Variants in HS3ST4 observed in about 807,000 individuals in gnomAD.
The protein encoded by HS3ST4 is heparan sulfate-glucosamine 3-sulfotransferase 4.
Under a neutral mutation model 29.2 loss-of-function variants are expected in HS3ST4, and 17 were observed. The observed-to-expected ratio is 0.58, with a 90% CI of 0.40 to 0.87. The LOEUF is 0.87. Among genes scored for constraint, HS3ST4 ranks in the 40% least tolerant of loss-of-function variants. HS3ST4 has a pLI of 0.00. For missense variants in HS3ST4, 627 were observed against 634.5 expected, an observed-to-expected ratio of 0.99 and a Z score of 0.13; for synonymous variants, 314 against 285.7, an observed-to-expected ratio of 1.10 and a Z score of -1.00.
Position 25,939,629 on chromosome 16 carries a change from G to A in HS3ST4, c.735-195983G>A, listed in dbSNP as rs150705408. Among the ~76,000 whole-genome samples the A allele has an allele frequency of 1.3e-3, 200 of 152,134 alleles. 1 individual carries two copies. In the East Asian group the frequency reaches 0.03, roughly 23 times the overall value. The stretch of plus-strand genomic sequence containing the variant: ...GTTGGGATTACAGGCGTGAGCCACC[G>A]TACCCGGCCATTATTTTTGAAAGGT... On this transcript the variant is annotated intron_variant, in intron 1 of 1. Transcript: ENST00000331351.
intron 1 of HS3ST4, among the ~76,000 whole-genome samples, chr16:25,919,171 G>C (rs1460237439): frequency 6.6e-6 from 1 of 152,026 alleles, no homozygotes; most frequent in Non-Finnish European, 1.5e-5. Context: ...GACACTACAG[G>C]TGCATGCCAC....
intron 1 of HS3ST4, among the ~76,000 whole-genome samples, chr16:25,973,459 C>G (rs1406860485): frequency 1.3e-5 from 2 of 152,116 alleles, no homozygotes; most frequent in African/African-American, 4.8e-5. Context: ...TGTGAGAAAC[C>G]CAACCGTTTC....
intron 1 of HS3ST4, among the ~76,000 whole-genome samples, chr16:25,944,517 T>G (rs1294116068): frequency 6.6e-6 from 1 of 152,236 alleles, no homozygotes; most frequent in East Asian, 1.9e-4. Context: ...TTAATGATAT[T>G]GTAATGAGCT....
intron 1 of HS3ST4, among the ~76,000 whole-genome samples, chr16:25,784,407 C>T (rs1161975218): frequency 6.6e-6 from 1 of 152,214 alleles, no homozygotes; most frequent in Non-Finnish European, 1.5e-5. Flanking sequence ...AAAGCTAGAC[C>T]TCTTGCACCA....
chr16:25,985,134 C>T (rs957513735), intron 1 of HS3ST4, among the ~76,000 whole-genome samples: 1 of 152,248 alleles, frequency 6.6e-6, no homozygotes, highest in African/African-American at 2.4e-5. Context: ...ATGTTCTCTG[C>T]ATCTGTTTCC....
In HS3ST4 at chr16:25,906,038, G is replaced by A. The variant is rs548361766; in HGVS notation, c.734+212887G>A. Among the ~76,000 whole-genome samples, 21 of 152,300 alleles carry A rather than the reference G, an allele frequency of 1.4e-4. No homozygotes were observed. The South Asian group carries it at 4.4e-3, about 32-fold the overall frequency. On this transcript the variant is annotated intron_variant, in intron 1 of 1. Transcript: ENST00000331351. ...AAAACATATATATCAAAGTGGTGGC[G>A]ACTGTAAAGGTCTTTTAAAATTGAG...
At chr16:25,698,086 GTTA>G (rs568795153) in intron 1 of HS3ST4, among the ~76,000 whole-genome samples, 160 of 152,058 alleles carry the variant, frequency 1.1e-3, no homozygotes, top group Non-Finnish European at 2.1e-3. Flanking sequence ...GTGCATGTTG[GTTA>G]TTATTATTTG....
chr16:25,987,634 G>A (rs969672880), intron 1 of HS3ST4, among the ~76,000 whole-genome samples: 18 of 152,210 alleles, frequency 1.2e-4, no homozygotes, highest in Admixed American at 1.0e-3. Flanking sequence ...AGTCTAAGGG[G>A]ACAGTGCTCA....
intron 1 of HS3ST4, among the ~76,000 whole-genome samples, chr16:25,840,931 CA>C (rs1331872799): frequency 1.3e-5 from 2 of 151,712 alleles, no homozygotes; most frequent in Non-Finnish European, 2.9e-5. Context: ...CATAGTTGGC[CA>C]AATGAGATTT....
chr16:25,832,593 T>G (rs1036193609), intron 1 of HS3ST4, among the ~76,000 whole-genome samples: 1 of 152,248 alleles, frequency 6.6e-6, no homozygotes, highest in Non-Finnish European at 1.5e-5. Context: ...GAAATCGTTG[T>G]GTTTATATGA....
chr16:25,879,449 C>T (rs965926472), intron 1 of HS3ST4, among the ~76,000 whole-genome samples: 1 of 152,096 alleles, frequency 6.6e-6, no homozygotes. Context: ...GTGAAAGGCA[C>T]GTCTCGCATG....
chr16:25,828,294 T>TCCC (rs1967251613), intron 1 of HS3ST4, among the ~76,000 whole-genome samples: 4 of 45,056 alleles, frequency 8.9e-5, no homozygotes, highest in South Asian at 9.1e-4. Context: ...CTTTCTTTCT[T>TCCC]TCTTTCCCTC....
In HS3ST4 at chr16:25,692,442, C is replaced by T; in HGVS notation, c.25C>T (p.Pro9Ser). MARWPAPPPPPPPPPPLAA... is the reference protein window; with the variant it reads MARWPAPPSPPPPPPPLAA... ...GATGGCCCGGTGGCCCGCACCTCCT[C>T]CGCCTCCGCCTCCGCCTCCACCTCT... The change falls in exon 1 of 2, where the codon CCG (proline) becomes TCG (serine). Residue 9 changes from proline to serine, a missense_variant. This residue lies in a region of HS3ST4 where 402 missense variants were observed against 340.8 expected (regional missense o/e 1.18). Transcript: ENST00000331351. 1 of 1,231,080 alleles carries T rather than the reference C, an allele frequency of 8.1e-7. No homozygotes were observed. Among genetic ancestry groups the T allele is most frequent in the South Asian group, 2.4e-5 (1 of 42,030 alleles). 76.3% of individuals were successfully genotyped at this position (1,231,080 alleles called of 1,614,324 possible).
chr16:25,705,914 G>A (rs1966373078), intron 1 of HS3ST4, among the ~76,000 whole-genome samples: 1 of 152,146 alleles, frequency 6.6e-6, no homozygotes, highest in African/African-American at 2.4e-5. Context: ...TATGTTAGTT[G>A]TTATTAATCC....
chr16:26,117,482 C>T (rs896660390), intron 1 of HS3ST4, among the ~76,000 whole-genome samples: 1 of 152,210 alleles, frequency 6.6e-6, no homozygotes, highest in Non-Finnish European at 1.5e-5. Context: ...TCTTCCTCTG[C>T]TTTGCCTTCC....
intron 1 of HS3ST4, among the ~76,000 whole-genome samples, chr16:25,839,603 T>C (rs1967393190): frequency 6.6e-6 from 1 of 152,242 alleles, no homozygotes; most frequent in Non-Finnish European, 1.5e-5. Flanking sequence ...CATGGTCTTT[T>C]TCTTTTCCTG....
chr16:25,856,658 C>T (rs373297036), intron 1 of HS3ST4, among the ~76,000 whole-genome samples: 1 of 152,088 alleles, frequency 6.6e-6, no homozygotes, highest in Non-Finnish European at 1.5e-5. Flanking sequence ...TAAAAAAAAT[C>T]ACACAAAGAA....
chr16:25,782,729 A>G (rs1216984752), intron 1 of HS3ST4, among the ~76,000 whole-genome samples: 5 of 152,182 alleles, frequency 3.3e-5, no homozygotes, highest in Non-Finnish European at 1.5e-5. Flanking sequence ...CAACTCAAAT[A>G]TCAGCTTATT....
intron 1 of HS3ST4, among the ~76,000 whole-genome samples, chr16:25,961,121 G>A (rs1340927826): frequency 6.6e-6 from 1 of 152,180 alleles, no homozygotes; most frequent in Non-Finnish European, 1.5e-5. Flanking sequence ...TCTTCCATGT[G>A]TTTGGAAGAA....
Sources: allele counts gnomAD v4.1 joint callset (sites outside exome capture counted in the v4.1 genomes callset), GRCh38; gene constraint gnomAD v4.1.1; regional missense constraint gnomAD v4.1.1; transcripts MANE v1.5; gene names NCBI Gene and HGNC (gene_info 2026-07-23, HGNC 2026-07-21).